Variants in NRG1 observed in about 807,000 individuals in gnomAD.
NRG1 encodes neuregulin 1.
NRG1 carries 18 observed loss-of-function variants against 63.8 expected under a neutral mutation model. The observed-to-expected ratio is 0.28, with a 90% CI of 0.19 to 0.42. The LOEUF is 0.42. Ranked by LOEUF, NRG1 falls within the 10% of genes least tolerant of loss-of-function variation. NRG1 has a pLI of 1.00. For missense variants in NRG1, 762 were observed against 814.7 expected (o/e 0.94, Z 0.79); for synonymous variants, 302 against 301.3 (o/e 1.00, Z -0.02).
chr8:31,771,984 T>G (rs6468067), intron 1 of NRG1, among the ~76,000 whole-genome samples: 2 of 152,062 alleles, frequency 1.3e-5, no homozygotes, highest in African/African-American at 4.8e-5. Flanking sequence ...GGATAAAACC[T>G]AGGTCAAGCC....
chr8:32,470,330 G>T (rs1049514702), intron 1 of NRG1, among the ~76,000 whole-genome samples: 1 of 151,676 alleles, frequency 6.6e-6, no homozygotes, highest in East Asian at 1.9e-4. Flanking sequence ...ACAGGCGCCC[G>T]CCACCACACC....
At chr8:32,044,405 A>C (rs1820594624) in intron 1 of NRG1, among the ~76,000 whole-genome samples, 1 of 151,902 alleles carries the variant, frequency 6.6e-6, no homozygotes, top group Non-Finnish European at 1.5e-5. Flanking sequence ...TAGTAAACAG[A>C]AAATATGCCT....
intron 1 of NRG1, among the ~76,000 whole-genome samples, chr8:32,185,271 A>G (rs1371236906): frequency 1.3e-5 from 2 of 152,204 alleles, no homozygotes; most frequent in Non-Finnish European, 2.9e-5. Context: ...TAAACAGGTA[A>G]CAGGGTGTAT....
At chr8:32,646,695 G>C in intron 5 of NRG1, 1 of 985,380 alleles carries the variant, frequency 1.0e-6, no homozygotes, top group Non-Finnish European at 1.2e-6. Context: ...GAGAAAGAAA[G>C]AAAAAGGAGG....
chr8:32,038,257 C>A (rs536880983), intron 1 of NRG1, among the ~76,000 whole-genome samples: 1 of 152,166 alleles, frequency 6.6e-6, no homozygotes, highest in Non-Finnish European at 1.5e-5. Flanking sequence ...ACGCAGGCTC[C>A]GGGTGGGCCC....
rs564318483 is a variant in NRG1, at chr8:32,487,415, G to A, written c.38-108413G>A. ...TGATCAGAAAAGATACATTTTTGGA[G>A]GTTGGTTTTTTTTTTTAATTCTTGC... On this transcript the variant is annotated intron_variant, in intron 1 of 10. Transcript: ENST00000519301. Among the ~76,000 whole-genome samples the A allele has an allele frequency of 8.8e-4, 134 of 152,106 alleles. 1 individual carries two copies. Among genetic ancestry groups the A allele is most frequent in the Non-Finnish European group, 1.7e-3 (115 of 67,964 alleles).
chr8:32,569,635 C>CA (rs1349347740), intron 1 of NRG1, among the ~76,000 whole-genome samples: 1 of 152,046 alleles, frequency 6.6e-6, no homozygotes, highest in East Asian at 1.9e-4. Context: ...TTCTTTTCTG[C>CA]ACTTTAATAT....
intron 1 of NRG1, among the ~76,000 whole-genome samples, chr8:31,912,368 T>G (rs548365927): frequency 6.6e-6 from 1 of 152,112 alleles, no homozygotes; most frequent in South Asian, 2.1e-4. Context: ...TAGCAGAGCT[T>G]AGGCACAGGA....
chr8:32,440,563 C>G (rs1466591858), intron 1 of NRG1, among the ~76,000 whole-genome samples: 2 of 152,118 alleles, frequency 1.3e-5, no homozygotes, highest in African/African-American at 2.4e-5. Context: ...ATGCTATATA[C>G]TACAGAGAGC....
chr8:31,971,462 C>A (rs1202403519), intron 1 of NRG1, among the ~76,000 whole-genome samples: 2 of 151,912 alleles, frequency 1.3e-5, no homozygotes, highest in Non-Finnish European at 2.9e-5. Flanking sequence ...TGAGAACAGA[C>A]AGACAGGAAT....
intron 1 of NRG1, among the ~76,000 whole-genome samples, chr8:32,317,464 A>G (rs1449417402): frequency 1.3e-5 from 2 of 152,248 alleles, no homozygotes; most frequent in East Asian, 3.8e-4. Flanking sequence ...TTCTCATGCT[A>G]TGCAGAAGTT....
intron 1 of NRG1, among the ~76,000 whole-genome samples, chr8:31,788,578 A>G (rs1820400018): frequency 1.3e-5 from 2 of 152,268 alleles, no homozygotes; most frequent in Admixed American, 1.3e-4. Context: ...AGCACATCTG[A>G]GGACATTTTC....
At position 32,681,678 on chromosome 8, in the gene NRG1, T is replaced by C. The variant is rs377318383; in HGVS notation, c.503-46271T>C. 2.9e-4 allele frequency among the ~76,000 whole-genome samples: 44 copies of C among 152,252 alleles called. 2 individuals carry two copies. The highest frequency in any genetic ancestry group is 1.1e-3 in the African/African-American group (44 of 41,570). ...GGAAATATCTGTAAACAAAGTTTCA[T>C]AATAATTAACTCTTGGAATATCGTC... On this transcript the variant is annotated intron_variant, in intron 5 of 11. Transcript: ENST00000356819.
chr8:32,135,353 A>G (rs887732095), intron 1 of NRG1, among the ~76,000 whole-genome samples: 1 of 152,144 alleles, frequency 6.6e-6, no homozygotes, highest in African/African-American at 2.4e-5. Flanking sequence ...ACTAGTTGGG[A>G]GATGAGTTAG....
At chr8:32,580,166 T>A (rs1840388689) in intron 1 of NRG1, among the ~76,000 whole-genome samples, 1 of 152,146 alleles carries the variant, frequency 6.6e-6, no homozygotes, top group Admixed American at 6.6e-5. Context: ...CCCCCACAGT[T>A]AGTGAGGAAT....
intron 1 of NRG1, among the ~76,000 whole-genome samples, chr8:32,190,217 CTT>C (rs955277876): frequency 6.5e-5 from 9 of 138,832 alleles, no homozygotes; most frequent in African/African-American, 2.2e-4. Flanking sequence ...TCTATTTACT[CTT>C]TCTTTTTTAA....
intron 1 of NRG1, among the ~76,000 whole-genome samples, chr8:32,048,290 T>C (rs1486359621): frequency 2.7e-5 from 4 of 150,720 alleles, no homozygotes; most frequent in Non-Finnish European, 5.9e-5. Flanking sequence ...TACATACATG[T>C]ACATATATAT....
At chr8:31,725,888 G>A (rs1031308141) in intron 1 of NRG1, among the ~76,000 whole-genome samples, 1 of 152,154 alleles carries the variant, frequency 6.6e-6, no homozygotes, top group Non-Finnish European at 1.5e-5. Context: ...GGTAAGTGTA[G>A]TCGCTGTAAT....
At chr8:32,370,410 C>T (rs6992907) in intron 1 of NRG1, among the ~76,000 whole-genome samples, 85,115 of 151,944 alleles carry the variant, frequency 0.56, 24,316 homozygotes, top group Middle Eastern at 0.61. Flanking sequence ...AGAGTGTGAC[C>T]TGTCTTCAAT....
Sources: allele counts gnomAD v4.1 joint callset (sites outside exome capture counted in the v4.1 genomes callset), GRCh38; gene constraint gnomAD v4.1.1; transcripts MANE v1.5; gene names NCBI Gene and HGNC (gene_info 2026-07-23, HGNC 2026-07-21).